Variants in ACYP2 observed in about 807,000 individuals in gnomAD.
ACYP2 encodes the protein acylphosphatase 2, also known as acylphosphatase-2.
ACYP2 carries 12 observed loss-of-function variants against 11.2 expected under a neutral mutation model. That is an observed-to-expected ratio of 1.08 (90% confidence interval 0.69 to 1.74). The LOEUF (loss-of-function observed/expected upper bound fraction) is 1.74, where lower values mean the gene tolerates loss of function less well. Among genes scored for constraint, ACYP2 ranks in the 40% most tolerant of loss-of-function variants. The pLI is 0.00. For missense variants in ACYP2, 134 were observed against 101.9 expected (o/e 1.31, Z -1.35); for synonymous variants, 43 against 32.2 (o/e 1.33, Z -1.13).
At chr2:54,236,796 TTC>T (rs1686497370) in intron 6 of ACYP2, among the ~76,000 whole-genome samples, 1 of 152,208 alleles carries the variant, frequency 6.6e-6, no homozygotes, top group Admixed American at 6.5e-5. Flanking sequence ...ATTTTTAAAT[TTC>T]TCTGTTTTGT....
intron 2 of ACYP2, among the ~76,000 whole-genome samples, chr2:53,995,370 T>TGC (rs1235914161): frequency 6.6e-6 from 1 of 152,182 alleles, no homozygotes; most frequent in African/African-American, 2.4e-5. Flanking sequence ...TTTTTCTCAA[T>TGC]GCATAAATCA....
chr2:54,189,556 A>G (rs975842811), intron 6 of ACYP2, among the ~76,000 whole-genome samples: 7 of 151,364 alleles, frequency 4.6e-5, no homozygotes, highest in East Asian at 2.0e-4. Flanking sequence ...TATTCTCTCT[A>G]TAATTCTATT....
At chr2:54,025,328 C>T (rs917480849) in intron 2 of ACYP2, among the ~76,000 whole-genome samples, 19 of 152,250 alleles carry the variant, frequency 1.2e-4, no homozygotes, top group African/African-American at 2.4e-4. Flanking sequence ...TGACTTTAAA[C>T]TATACTATAA....
At chr2:54,128,287 C>A (rs929532393) in intron 4 of ACYP2, among the ~76,000 whole-genome samples, 30 of 152,258 alleles carry the variant, frequency 2.0e-4, no homozygotes, top group African/African-American at 6.3e-4. Flanking sequence ...AAGAATAGTT[C>A]ATCATTTAAC....
At chr2:54,209,498 A>G (rs1230926179) in intron 6 of ACYP2, among the ~76,000 whole-genome samples, 1 of 152,190 alleles carries the variant, frequency 6.6e-6, no homozygotes, top group Non-Finnish European at 1.5e-5. Context: ...AAATAACAAT[A>G]TTAAGACATT....
intron 5 of ACYP2, among the ~76,000 whole-genome samples, chr2:54,136,922 G>A (rs1352717504): frequency 6.6e-6 from 1 of 152,170 alleles, no homozygotes; most frequent in Non-Finnish European, 1.5e-5. Flanking sequence ...GTTGCAGTGA[G>A]CCGAGATGGC....
At chr2:54,036,121 G>T (rs762176029) in intron 2 of ACYP2, among the ~76,000 whole-genome samples, 1 of 152,086 alleles carries the variant, frequency 6.6e-6, no homozygotes, top group Non-Finnish European at 1.5e-5. Context: ...TTGAGGCAGG[G>T]TCTTGCTCTG....
rs181763154 is a variant in ACYP2, at chr2:54,087,026, C to A, written c.277+29666C>A. Among the ~76,000 whole-genome samples, 11 of 152,300 alleles carry A rather than the reference C, an allele frequency of 7.2e-5. No homozygotes were observed. In the East Asian group the frequency reaches 2.1e-3, roughly 29 times the overall value. On this transcript the variant is annotated intron_variant, in intron 4 of 6. Coordinates refer to ENST00000607452, the MANE Select transcript of ACYP2 (RefSeq NM_001320586.2). The stretch of plus-strand genomic sequence containing the variant: ...CTATTTTAAAATAATTATAGATTAA[C>A]GTTTTCTACTAAATTCTGACAGTCT...
intron 6 of ACYP2, among the ~76,000 whole-genome samples, chr2:54,140,081 T>A (rs896687482): frequency 2.0e-5 from 3 of 152,094 alleles, no homozygotes; most frequent in African/African-American, 7.2e-5. Context: ...AAAAGTGGGG[T>A]CCAAAAGTTC....
chr2:54,166,070 G>A (rs1232076654), intron 6 of ACYP2, among the ~76,000 whole-genome samples: 1 of 152,080 alleles, frequency 6.6e-6, no homozygotes, highest in Admixed American at 6.6e-5. Context: ...CTGGTCCATT[G>A]GCTTAGTGGT....
At chr2:54,270,375 T>C (rs1407674847) in intron 6 of ACYP2, among the ~76,000 whole-genome samples, 1 of 152,248 alleles carries the variant, frequency 6.6e-6, no homozygotes, top group Admixed American at 6.5e-5. Flanking sequence ...GATCTTACTC[T>C]GCTATGTACC....
Position 54,196,703 on chromosome 2 carries a change from T to G in ACYP2, c.404+57955T>G, listed in dbSNP as rs142174322. On this transcript the variant is annotated intron_variant, in intron 6 of 6. Transcript: ENST00000607452. The stretch of plus-strand genomic sequence containing the variant: ...GCTTCTCTGGCCTTCACCCTCTAGT[T>G]GCAACTAGCAACCCCCAGTCGTGGT... Among the ~76,000 whole-genome samples, 699 of 152,222 alleles carry G rather than the reference T, an allele frequency of 4.6e-3. 12 individuals carry two copies. The highest frequency in any genetic ancestry group is 0.016 in the African/African-American group (663 of 41,518).
At chr2:53,979,202 G>T (rs1371842533) in intron 2 of ACYP2, among the ~76,000 whole-genome samples, 1 of 152,148 alleles carries the variant, frequency 6.6e-6, no homozygotes, top group Non-Finnish European at 1.5e-5. Context: ...TGTGGGGGTA[G>T]AACAGAGTGA....
intron 4 of ACYP2, among the ~76,000 whole-genome samples, chr2:54,078,172 C>G (rs10165401): frequency 0.029 from 4,358 of 151,808 alleles, 196 homozygotes; most frequent in African/African-American, 0.1. Flanking sequence ...GTTTCAAACT[C>G]CTGATCTCAA....
chr2:54,258,907 G>T (rs1224867690), intron 6 of ACYP2, among the ~76,000 whole-genome samples: 1 of 152,214 alleles, frequency 6.6e-6, no homozygotes, highest in Non-Finnish European at 1.5e-5. Context: ...CAAAAAAGCA[G>T]AAGAGCAAGC....
At chr2:54,095,023 G>C (rs1157046003) in intron 4 of ACYP2, among the ~76,000 whole-genome samples, 2 of 141,276 alleles carry the variant, frequency 1.4e-5, no homozygotes, top group Admixed American at 1.4e-4. Flanking sequence ...CCTAGGCAGA[G>C]GACCCTGCGG....
rs768722286 is a variant in ACYP2 at position 54,254,907 on chromosome 2, C to T, written c.405-49781C>T. ...AGGCAACCTTCTGCAGGAGTAATTCCAAAGGCAAAGGTTAACCACACTGGA... is the reference window on the plus strand; with the variant it reads ...AGGCAACCTTCTGCAGGAGTAATTCTAAAGGCAAAGGTTAACCACACTGGA... On this transcript the variant is annotated intron_variant, in intron 6 of 6. Transcript: ENST00000607452. The T allele has an allele frequency of 1.9e-6, 3 of 1,598,982 alleles. No homozygotes were observed. In the African/African-American group the frequency reaches 4.0e-5, roughly 22 times the overall value.
intron 6 of ACYP2, among the ~76,000 whole-genome samples, chr2:54,213,584 CTGT>C (rs1685423580): frequency 6.6e-6 from 1 of 152,160 alleles, no homozygotes; most frequent in Non-Finnish European, 1.5e-5. Flanking sequence ...TCGCCAGCAT[CTGT>C]TATTTTTTGA....
At chr2:54,099,019 G>A (rs182692299) in intron 4 of ACYP2, among the ~76,000 whole-genome samples, 46 of 152,268 alleles carry the variant, frequency 3.0e-4, no homozygotes, top group Non-Finnish European at 1.8e-4. Flanking sequence ...ATGAGCCACT[G>A]TGCCCAGCTG....
Sources: allele counts gnomAD v4.1 joint callset (sites outside exome capture counted in the v4.1 genomes callset), GRCh38; gene constraint gnomAD v4.1.1; transcripts MANE v1.5; gene names NCBI Gene and HGNC (gene_info 2026-07-23, HGNC 2026-07-21).